AKAP9: variants seen among roughly 807,000 people sequenced by gnomAD.
The protein encoded by AKAP9 is A-kinase anchoring protein 9.
Under a neutral mutation model 488.5 loss-of-function variants are expected in AKAP9, and 311 were observed. That is an observed-to-expected ratio of 0.64 (90% CI 0.58 to 0.70). AKAP9 has a LOEUF of 0.70. Ranked by LOEUF, AKAP9 falls within the 30% of genes least tolerant of loss-of-function variation. The pLI is 0.00. For synonymous variants in AKAP9, 1,462 were observed against 1,483.5 expected (o/e 0.99, Z 0.33); for missense variants, 4,215 against 4,374.5 (o/e 0.96, Z 1.03).
chr7:92,101,173 A>C, intron 45 of AKAP9, 117 bp downstream of exon 45: 1 of 977,082 alleles, frequency 1.0e-6, no homozygotes, highest in Non-Finnish European at 1.5e-6. Context: ...ACAGTGGTTC[A>C]CGCCTATAGT....
chr7:91,985,944 G>T (rs1256224618), intron 3 of AKAP9, among the ~76,000 whole-genome samples: 7 of 152,170 alleles, frequency 4.6e-5, no homozygotes, highest in Admixed American at 4.6e-4. Context: ...ACCTCGCCCA[G>T]CCAATTCCCC....
intron 43 of AKAP9, 132 bp from the exon 44 acceptor site, chr7:92,099,555 C>G: frequency 1.1e-6 from 1 of 876,948 alleles, no homozygotes; most frequent in South Asian, 1.4e-5. Context: ...TGGTAAATAT[C>G]TACCTATTAC....
chr7:92,009,979 A>G (rs200161515), intron 8 of AKAP9, among the ~76,000 whole-genome samples: 2 of 152,188 alleles, frequency 1.3e-5, no homozygotes, highest in East Asian at 1.9e-4. Context: ...TCCCAGGCTC[A>G]AGTGATCCTC....
At chr7:92,062,601 G>T in intron 24 of AKAP9, 115 bp downstream of exon 24, 1 of 832,778 alleles carries the variant, frequency 1.2e-6, no homozygotes, top group Non-Finnish European at 1.9e-6. Context: ...TTTATAGAGA[G>T]ATTTAAAAAA....
intron 22 of AKAP9, chr7:92,058,064 CTT>C (rs959710409): frequency 9.5e-5 from 40 of 421,962 alleles, no homozygotes; most frequent in Middle Eastern, 6.9e-4. Context: ...AAAAAAGAAA[CTT>C]TTTATACTGC....
chr7:92,037,822 G>A (rs1805441941), intron 16 of AKAP9, among the ~76,000 whole-genome samples: 1 of 152,158 alleles, frequency 6.6e-6, no homozygotes, highest in African/African-American at 2.4e-5. Flanking sequence ...GTTTAAAATA[G>A]TAAAAGACTG....
chr7:92,060,821 A>C (rs75709337), intron 22 of AKAP9, among the ~76,000 whole-genome samples: 2,190 of 152,270 alleles, frequency 0.014, 45 homozygotes, highest in African/African-American at 0.05. Flanking sequence ...TTGGTCCCCC[A>C]CAGTATACAG....
Position 92,102,602 on chromosome 7 carries a change from T to C in AKAP9, c.11106T>C (p.Tyr3702=). 2 of 1,613,720 alleles carry C rather than the reference T, an allele frequency of 1.2e-6. No homozygotes were observed. Among genetic ancestry groups the C allele is most frequent in the Non-Finnish European group, 1.7e-6 (2 of 1,179,590 alleles). Residue 3702 remains tyrosine, a synonymous_variant, in exon 46 of 50, where the codon TAT becomes TAC. Transcript: ENST00000356239. ...CTCTTCCCTAAATATAGAGAATTTA[T>C]GGTAAATACTTGAGGGCAGAAAGTT... ...DSEHVTLKRI[Y]GKYLRAESFR...
At position 92,002,293 on chromosome 7, in the gene AKAP9, AATAC is replaced by A; in HGVS notation, c.2381_2384del (p.His794LeufsTer9). The A allele has an allele frequency of 6.2e-7, 1 of 1,612,350 alleles. No individual in the cohort carries two copies. The highest frequency in any genetic ancestry group is 8.5e-7 in the Non-Finnish European group (1 of 1,179,174). On this transcript the variant is annotated frameshift_variant, in exon 8 of 50. Transcript: ENST00000356239. LOFTEE classifies it high-confidence loss of function. ...AGAAAACCCTTGAAGACATGTTGAA[AATAC>A]ATACTCCTGTTAGCCAAGAAGAAAG... is the stretch of plus-strand genomic sequence containing the variant.
chr7:92,074,762 A>T (rs1440573810), intron 28 of AKAP9, among the ~76,000 whole-genome samples: 2 of 152,222 alleles, frequency 1.3e-5, no homozygotes, highest in Admixed American at 1.3e-4. Context: ...TATCACAAGG[A>T]TAGAAAACCA....
intron 12 of AKAP9, among the ~76,000 whole-genome samples, chr7:92,020,663 T>G (rs1802198026): frequency 6.6e-6 from 1 of 152,200 alleles, no homozygotes; most frequent in East Asian, 1.9e-4. Context: ...AAGAGAATCT[T>G]CTGTTTATTT....
intron 48 of AKAP9, 81 bp from the exon 49 acceptor site, chr7:92,108,413 G>T: frequency 7.0e-7 from 1 of 1,438,110 alleles, no homozygotes; most frequent in East Asian, 2.3e-5. Flanking sequence ...ACCTTTTTGG[G>T]GAAGGGAGTG....
At chr7:92,098,788 T>C (rs575396609) in intron 43 of AKAP9, among the ~76,000 whole-genome samples, 16 of 152,332 alleles carry the variant, frequency 1.1e-4, no homozygotes, top group African/African-American at 3.8e-4. Flanking sequence ...GACTTATTTA[T>C]TAAACAAATA....
rs1584286354 is a variant in AKAP9 at position 92,042,913 on chromosome 7, TGTATGTGTA to T, written c.5162+149_5162+157del. 1.3e-5 allele frequency: 8 copies of T among 608,618 alleles called. 1 individual carries two copies. Among genetic ancestry groups the T allele is most frequent in the East Asian group, 3.1e-5 (1 of 32,374 alleles). The allele number at this position is 608,618 out of a possible 1,614,324, so 37.7% of individuals were successfully genotyped here. On this transcript the variant is annotated intron_variant, in intron 20 of 49. Coordinates refer to ENST00000356239, the MANE Select transcript of AKAP9 (RefSeq NM_005751.5). ...ACCATCTGTGTATGAAACATGTCCA[TGTATGTGTA>T]GTATGTAAAGGATTTTCAGTTTTTC...
intron 5 of AKAP9, among the ~76,000 whole-genome samples, chr7:91,993,369 C>T (rs1207974911): frequency 1.3e-5 from 2 of 151,848 alleles, no homozygotes; most frequent in African/African-American, 4.8e-5. Flanking sequence ...TTTGTAGAGA[C>T]AGGGTGTCAC....
At chr7:91,984,514 G>C (rs768325670) in intron 3 of AKAP9, among the ~76,000 whole-genome samples, 1 of 152,154 alleles carries the variant, frequency 6.6e-6, no homozygotes. Flanking sequence ...CCAGTATCAT[G>C]CTGTTTTGGT....
intron 24 of AKAP9, among the ~76,000 whole-genome samples, chr7:92,063,027 A>G (rs1584382839): frequency 6.6e-6 from 1 of 152,162 alleles, no homozygotes; most frequent in East Asian, 1.9e-4. Context: ...ATATTAAGTA[A>G]TATCTTGAAG....
intron 28 of AKAP9, among the ~76,000 whole-genome samples, chr7:92,075,282 G>C (rs1420528965): frequency 6.6e-6 from 1 of 152,156 alleles, no homozygotes; most frequent in Non-Finnish European, 1.5e-5. Context: ...GCAGCAATTT[G>C]AACTTAAATA....
chr7:91,949,530 C>G (rs1791928088), intron 1 of AKAP9, among the ~76,000 whole-genome samples: 4 of 152,120 alleles, frequency 2.6e-5, no homozygotes, highest in African/African-American at 9.7e-5. Flanking sequence ...ATGAAAAGAC[C>G]TGTCATTTTA....
Sources: allele counts gnomAD v4.1 joint callset (sites outside exome capture counted in the v4.1 genomes callset), GRCh38; gene constraint gnomAD v4.1.1; transcripts MANE v1.5; gene names NCBI Gene and HGNC (gene_info 2026-07-23, HGNC 2026-07-21).